The following SRFBP1 variants were observed in gnomAD, a reference collection of about 807,000 sequenced individuals.
SRFBP1 encodes the protein serum response factor-binding protein 1.
In SRFBP1, 47 loss-of-function variants were observed where a neutral mutation model predicts 45.5. The observed-to-expected ratio is 1.03, with a 90% CI of 0.82 to 1.32. SRFBP1 has a LOEUF of 1.32. SRFBP1 is among the 40% of genes most tolerant of loss of function. The pLI, the probability that SRFBP1 is intolerant of heterozygous loss-of-function variation, is 0.00. For synonymous variants in SRFBP1, 203 were observed against 166.3 expected (o/e 1.22, Z -1.70); for missense variants, 621 against 484.6 (o/e 1.28, Z -2.64).
intron 1 of SRFBP1, among the ~76,000 whole-genome samples, chr5:121,966,027 C>G (rs1304728160): frequency 6.6e-6 from 1 of 152,128 alleles, no homozygotes; most frequent in East Asian, 1.9e-4. Context: ...GATTTTTGCA[C>G]ATTGATTTTG....
chr5:122,074,320 GT>G (rs145567866), intron 2 of SRFBP1: 49 of 618,966 alleles, frequency 7.9e-5, no homozygotes, highest in Admixed American at 1.5e-4. Context: ...TCATGCTAGG[GT>G]TTTTTTTTCC....
chr5:122,076,838 G>A, downstream of SRFBP1: 1 of 1,502,440 alleles, frequency 6.7e-7, no homozygotes. Flanking sequence ...CCAGGCACCA[G>A]AGCGCCCCCT....
At chr5:122,022,275 T>G in intron 6 of SRFBP1, 95 bp from the exon 7 acceptor site, 2 of 1,050,328 alleles carry the variant, frequency 1.9e-6, no homozygotes, top group Non-Finnish European at 2.8e-6. Flanking sequence ...ATAGTGGCCC[T>G]TTGAATTAGT....
At chr5:121,995,466 C>T (rs1410545260) in intron 4 of SRFBP1, among the ~76,000 whole-genome samples, 3 of 151,856 alleles carry the variant, frequency 2.0e-5, no homozygotes, top group South Asian at 2.1e-4. Flanking sequence ...TTGAAACCAA[C>T]GAGAACAAAG....
At chr5:121,981,212 G>T (rs1281654682) in intron 3 of SRFBP1, among the ~76,000 whole-genome samples, 1 of 151,826 alleles carries the variant, frequency 6.6e-6, no homozygotes, top group African/African-American at 2.4e-5. Flanking sequence ...CTAAAATTTC[G>T]ATTTTAGGAA....
intron 2 of SRFBP1, among the ~76,000 whole-genome samples, chr5:122,046,764 T>C (rs1400665195): frequency 6.6e-6 from 1 of 152,244 alleles, no homozygotes. Context: ...TGGTATCTCA[T>C]TGTGGTTTGG....
In SRFBP1 at chr5:122,020,442, A is replaced by C; in HGVS notation, c.707A>C (p.Asn236Thr). The C allele has an allele frequency of 6.2e-7, 1 of 1,614,150 alleles. No individual in the cohort carries two copies. Among genetic ancestry groups the C allele is most frequent in the Non-Finnish European group, 8.5e-7 (1 of 1,180,006 alleles). The change falls in exon 6 of 8, where the codon AAC becomes ACC. Residue 236 changes from asparagine (N) to threonine (T), a missense_variant. Coordinates refer to ENST00000339397, the MANE Select transcript of SRFBP1 (RefSeq NM_152546.3). The part of the protein sequence containing the change: ...KLKTLSQTKK[N>T]KGSDSSLSGN... ...AAAACTCTAAGTCAAACCAAAAAAA[A>C]CAAAGGATCTGATAGCTCACTCTCT...
At chr5:122,074,379 G>A (rs1282694523) in intron 2 of SRFBP1, among the ~76,000 whole-genome samples, 2 of 152,040 alleles carry the variant, frequency 1.3e-5, no homozygotes, top group African/African-American at 2.4e-5. Context: ...TTGCTACTAG[G>A]ACAAAAGACT....
In SRFBP1 at chr5:122,044,359, A is replaced by G. The variant is rs1168146723; in HGVS notation, n.311+21952A>G. ...TAGAACAATTAATATTCCTTTGGAT[A>G]TATACCCAATAATGAGATTGTTGAG... On this transcript the variant is annotated intron_variant and non_coding_transcript_variant, in intron 2 of 2. Transcript: ENST00000504881. 2.0e-5 allele frequency among the ~76,000 whole-genome samples: 3 copies of G among 152,206 alleles called. 1 individual carries two copies. Among genetic ancestry groups the G allele is most frequent in the African/African-American group, 7.2e-5 (3 of 41,454 alleles).
intron 4 of SRFBP1, among the ~76,000 whole-genome samples, chr5:121,995,083 C>A (rs1471652188): frequency 2.0e-5 from 3 of 151,652 alleles, no homozygotes; most frequent in African/African-American, 7.3e-5. Flanking sequence ...TAACACCCCA[C>A]TGTCAACATT....
At chr5:122,012,334 A>C (rs1753114159) in intron 4 of SRFBP1, among the ~76,000 whole-genome samples, 3 of 152,140 alleles carry the variant, frequency 2.0e-5, no homozygotes, top group African/African-American at 2.4e-5. Context: ...TTCTCTTAGA[A>C]AGAATAAAAA....
At chr5:122,060,277 G>A (rs772349119) in intron 2 of SRFBP1, among the ~76,000 whole-genome samples, 1 of 152,050 alleles carries the variant, frequency 6.6e-6, no homozygotes, top group Non-Finnish European at 1.5e-5. Flanking sequence ...GAGTTGGATT[G>A]TGTAGATGTT....
intron 3 of SRFBP1, among the ~76,000 whole-genome samples, chr5:121,976,145 T>C (rs1234731282): frequency 2.6e-5 from 4 of 152,032 alleles, no homozygotes. Flanking sequence ...ACTATTTTAA[T>C]TGAGTTAAGT....
At chr5:122,003,232 C>A (rs1226124533) in intron 4 of SRFBP1, among the ~76,000 whole-genome samples, 1 of 151,600 alleles carries the variant, frequency 6.6e-6, no homozygotes, top group Non-Finnish European at 1.5e-5. Context: ...GTAGTCTCAA[C>A]TACTCAGGAG....
chr5:122,046,203 C>A (rs1753854429), intron 2 of SRFBP1, among the ~76,000 whole-genome samples: 1 of 151,952 alleles, frequency 6.6e-6, no homozygotes, highest in Non-Finnish European at 1.5e-5. Flanking sequence ...CACCCCCCCT[C>A]ACCCCACAAC....
chr5:122,077,848 GATCTGCTGGCGCCA>G, downstream of SRFBP1: 1 of 1,547,800 alleles, frequency 6.5e-7, no homozygotes, highest in Non-Finnish European at 8.7e-7. The surrounding 1 kb of genome is among the most constrained non-coding windows in gnomAD (Gnocchi z 4.9). Context: ...TCTCCCATTG[GATCTGCTGGCGCCA>G]GGCGCCCGGA....
intron 3 of SRFBP1, among the ~76,000 whole-genome samples, chr5:121,978,033 T>A (rs1281902682): frequency 6.6e-6 from 1 of 152,192 alleles, no homozygotes; most frequent in Non-Finnish European, 1.5e-5. Flanking sequence ...TATAGATCAG[T>A]AAGTTACTTA....
rs186714250 is a variant in SRFBP1, at chr5:122,000,671, C to T, written c.270+6001C>T. Among the ~76,000 whole-genome samples, 524 of 152,222 alleles carry T rather than the reference C, an allele frequency of 3.4e-3. 4 individuals are homozygous for T. The highest frequency in any genetic ancestry group is 5.2e-3 in the Admixed American group (80 of 15,296). ...TGGTCCTCTGTATATAATGCCCCATCTCATCCCACTCCAAATTGACTATAA... is the reference window on the plus strand; with the variant it reads ...TGGTCCTCTGTATATAATGCCCCATTTCATCCCACTCCAAATTGACTATAA... On this transcript the variant is annotated intron_variant, in intron 4 of 7. Transcript: ENST00000339397.
Position 122,027,088 on chromosome 5 carries a change from G to A in SRFBP1, c.1252G>A (p.Ala418Thr), listed in dbSNP as rs758280814. The change falls in exon 8 of 8, where the codon GCT becomes ACT. Residue 418 changes from alanine to threonine, a missense_variant. Physicochemically the swap from Ala to Thr is moderately conservative, Grantham distance 58 (BLOSUM62 0). Transcript: ENST00000339397. ...RRRKEQQSNI[A>T]VFQGKKITFD... is the part of the protein sequence containing the mutation. ...GCGAAAAGAACAGCAATCTAATATTGCTGTGTTTCAGGGGAAAAAAATTAC... is the reference window on the plus strand; with the variant it reads ...GCGAAAAGAACAGCAATCTAATATTACTGTGTTTCAGGGGAAAAAAATTAC... 1.2e-6 allele frequency: 2 copies of A among 1,611,110 alleles called. No individual in the cohort carries two copies. Among genetic ancestry groups the A allele is most frequent in the Admixed American group, 1.7e-5 (1 of 59,546 alleles).
Sources: gnomAD v4.1 joint callset for allele counts (sites outside exome capture counted in the v4.1 genomes callset) on GRCh38, gnomAD v4.1.1 for gene constraint, Gnocchi (gnomAD v3.1) non-coding constraint, MANE v1.5 for transcripts, NCBI Gene and HGNC (gene_info 2026-07-23, HGNC 2026-07-21) for gene names.